Variants in CALD1 observed in about 807,000 individuals in gnomAD.
CALD1 encodes the protein caldesmon.
CALD1 carries 33 observed loss-of-function variants against 99.9 expected under a neutral mutation model. The ratio of observed to expected loss-of-function variants is 0.33; its 90% CI spans 0.25 to 0.44. The LOEUF (loss-of-function observed/expected upper bound fraction) is 0.44, where lower values mean the gene tolerates loss of function less well. CALD1 is among the 20% of genes least tolerant of loss of function. CALD1 has a pLI of 1.00. For synonymous variants in CALD1, 310 were observed against 325.0 expected, an observed-to-expected ratio of 0.95 and a Z score of 0.50; for missense variants, 861 against 962.1, an observed-to-expected ratio of 0.89 and a Z score of 1.39.
At chr7:134,961,348 CTGA>C (rs1261717625) in intron 13 of CALD1, 2 of 152,180 alleles carry the variant, frequency 1.3e-5, no homozygotes, top group Non-Finnish European at 2.9e-5. Context: ...CTGTATATTG[CTGA>C]GCTTTCCCTG....
At chr7:134,722,389 T>TATTGTTTA in the CALD1 span, among the ~76,000 whole-genome samples, 5 of 148,974 alleles carry the variant, frequency 3.4e-5, no homozygotes, top group South Asian at 1.1e-3. Context: ...AGTAGTTCGA[T>TATTGTTTA]TTTGTTTATT....
chr7:134,957,963 T>A, intron 9 of CALD1, 106 bp from the exon 10 acceptor site: 1 of 807,194 alleles, frequency 1.2e-6, no homozygotes. Context: ...CCTTATATGC[T>A]CTTCGGTGTG....
intron 8 of CALD1, among the ~76,000 whole-genome samples, chr7:134,949,347 C>G (rs1407064141): frequency 3.3e-5 from 5 of 152,052 alleles, no homozygotes; most frequent in African/African-American, 1.2e-4. Context: ...AATGATCTCA[C>G]AGCTTAAGAA....
chr7:134,846,398 G>C (rs979292792), intron 2 of CALD1, among the ~76,000 whole-genome samples: 1 of 152,164 alleles, frequency 6.6e-6, no homozygotes, highest in Non-Finnish European at 1.5e-5. Context: ...AGAGAGTGGA[G>C]GGGCCAGGCC....
At chr7:134,857,482 C>A (rs1800367735) in intron 2 of CALD1, among the ~76,000 whole-genome samples, 1 of 151,876 alleles carries the variant, frequency 6.6e-6, no homozygotes, top group Non-Finnish European at 1.5e-5. Flanking sequence ...TTAAGCAGGC[C>A]CCAACTGTGA....
chr7:134,907,772 T>C (rs1329518687), intron 3 of CALD1, among the ~76,000 whole-genome samples: 1 of 152,210 alleles, frequency 6.6e-6, no homozygotes, highest in Non-Finnish European at 1.5e-5. Flanking sequence ...CTTTTCATTT[T>C]TGATGAACTG....
chr7:134,824,035 A>C (rs1349860826), intron 1 of CALD1, among the ~76,000 whole-genome samples: 1 of 152,122 alleles, frequency 6.6e-6, no homozygotes, highest in Non-Finnish European at 1.5e-5. Flanking sequence ...GATGTCATGA[A>C]AGTAGAAGAT....
At chr7:134,965,132 TAAAA>T in intron 13 of CALD1, 170 bp from the exon 14 acceptor site, 1 of 538,734 alleles carries the variant, frequency 1.9e-6, no homozygotes, top group East Asian at 3.3e-5. Context: ...AATAAAAAAA[TAAAA>T]AAATCAAACA....
At chr7:134,830,563 A>T (rs1799179389) in intron 1 of CALD1, among the ~76,000 whole-genome samples, 1 of 151,132 alleles carries the variant, frequency 6.6e-6, no homozygotes, top group South Asian at 2.1e-4. Context: ...CTCCCCTCCC[A>T]CCCTCAACCC....
chr7:134,746,763 AAT>A (rs1475809387), intron 1 of CALD1, among the ~76,000 whole-genome samples: 3 of 152,246 alleles, frequency 2.0e-5, no homozygotes, highest in African/African-American at 7.2e-5. Context: ...GGAAATGAGG[AAT>A]ATGTTATTGA....
intron 2 of CALD1, among the ~76,000 whole-genome samples, chr7:134,864,581 G>A (rs1216445988): frequency 6.6e-6 from 1 of 151,972 alleles, no homozygotes; most frequent in East Asian, 2.0e-4. Flanking sequence ...TGTGTGTTTA[G>A]TAAAGATGGG....
intron 9 of CALD1, among the ~76,000 whole-genome samples, chr7:134,955,011 T>G (rs1020258710): frequency 6.6e-6 from 1 of 152,258 alleles, no homozygotes; most frequent in Non-Finnish European, 1.5e-5. Flanking sequence ...TTTTTTTCTT[T>G]AATATTGTAC....
intron 3 of CALD1, among the ~76,000 whole-genome samples, chr7:134,910,053 T>A (rs1228950798): frequency 6.6e-6 from 1 of 152,176 alleles, no homozygotes; most frequent in Non-Finnish European, 1.5e-5. Context: ...TACTAATACC[T>A]GGATCAAAAA....
chr7:134,775,849 G>A (rs374331318), upstream of CALD1, among the ~76,000 whole-genome samples: 180 of 152,246 alleles, frequency 1.2e-3, no homozygotes, highest in African/African-American at 4.1e-3. Flanking sequence ...CTTAACTCAA[G>A]TTTTATAACT....
At chr7:134,823,170 A>G (rs1798849663) in intron 1 of CALD1, among the ~76,000 whole-genome samples, 1 of 152,216 alleles carries the variant, frequency 6.6e-6, no homozygotes, top group African/African-American at 2.4e-5. Flanking sequence ...TTCATCTAAA[A>G]GATGCCTATG....
intron 3 of CALD1, among the ~76,000 whole-genome samples, chr7:134,913,392 T>G (rs1803966231): frequency 6.6e-6 from 1 of 152,336 alleles, no homozygotes; most frequent in South Asian, 2.1e-4. Context: ...TCAAAAATAA[T>G]TAAAGTTTTA....
the CALD1 span, among the ~76,000 whole-genome samples, chr7:134,726,418 TATATA>T: frequency 7.5e-6 from 1 of 133,524 alleles, no homozygotes; most frequent in Non-Finnish European, 1.6e-5. Flanking sequence ...TAGCTTTATA[TATATA>T]ATATATATTA....
At chr7:134,762,397 G>A (rs11760710) in intron 1 of CALD1, among the ~76,000 whole-genome samples, 1 of 152,084 alleles carries the variant, frequency 6.6e-6, no homozygotes, top group East Asian at 1.9e-4. Flanking sequence ...CCATGGGAGG[G>A]GAGGAGTGTT....
At chr7:134,941,717 T>C (rs1021224219) in intron 7 of CALD1, among the ~76,000 whole-genome samples, 1 of 152,210 alleles carries the variant, frequency 6.6e-6, no homozygotes, top group African/African-American at 2.4e-5. Flanking sequence ...AACACTGGAT[T>C]AAGCTAAATT....
Sources: allele counts gnomAD v4.1 joint callset (sites outside exome capture counted in the v4.1 genomes callset), GRCh38; gene constraint gnomAD v4.1.1; transcripts MANE v1.5; gene names NCBI Gene and HGNC (gene_info 2026-07-23, HGNC 2026-07-21).